The following ERGIC1 variants were observed in gnomAD, a reference collection of about 807,000 sequenced individuals.
The protein encoded by ERGIC1 is endoplasmic reticulum-golgi intermediate compartment 1.
A neutral mutation model predicts 38.3 loss-of-function variants in ERGIC1; 19 were observed. The ratio of observed to expected loss-of-function variants is 0.50; its 90% CI spans 0.35 to 0.73. The LOEUF (loss-of-function observed/expected upper bound fraction) is 0.73. Among genes scored for constraint, ERGIC1 ranks in the 30% least tolerant of loss-of-function variants. ERGIC1 has a pLI of 0.01. For synonymous variants in ERGIC1, 124 were observed against 157.6 expected (o/e 0.79, Z 1.60); for missense variants, 294 against 389.2 (o/e 0.76, Z 2.06).
intron 1 of ERGIC1, among the ~76,000 whole-genome samples, chr5:172,877,523 G>A (rs565883598): frequency 7.1e-6 from 1 of 141,006 alleles, no homozygotes; most frequent in Admixed American, 7.6e-5. Flanking sequence ...ACAATGGCAC[G>A]ATCTTGGCTC....
At chr5:172,933,185 G>C (rs1763813829) in intron 8 of ERGIC1, 1 of 152,368 alleles carries the variant, frequency 6.6e-6, no homozygotes, top group African/African-American at 2.4e-5. Context: ...AAATGCCCCT[G>C]CTAGACCCTG....
intron 1 of ERGIC1, among the ~76,000 whole-genome samples, chr5:172,849,629 C>T (rs1301965248): frequency 6.6e-6 from 1 of 152,210 alleles, no homozygotes; most frequent in Admixed American, 6.5e-5. Flanking sequence ...TGCAGGAATG[C>T]AGCTCTTCTG....
chr5:172,877,868 G>A (rs1762185633), intron 1 of ERGIC1, among the ~76,000 whole-genome samples: 1 of 152,166 alleles, frequency 6.6e-6, no homozygotes, highest in Non-Finnish European at 1.5e-5. Flanking sequence ...TGACCCACAG[G>A]AGATTCAAGG....
At chr5:172,942,579 C>T (rs146354219) in intron 9 of ERGIC1, among the ~76,000 whole-genome samples, 11 of 152,294 alleles carry the variant, frequency 7.2e-5, no homozygotes, top group Non-Finnish European at 1.5e-4. Context: ...ATTGGAGGGA[C>T]AGAACAGAAC....
intron 3 of ERGIC1, chr5:172,898,265 ACCACC>A (rs1762775865): frequency 5.9e-6 from 1 of 168,470 alleles, no homozygotes; most frequent in South Asian, 2.0e-4. Context: ...TACAAGCATT[ACCACC>A]TTTAGTTCTC....
At chr5:172,947,049 T>C (rs889550077) in intron 9 of ERGIC1, among the ~76,000 whole-genome samples, 1 of 151,838 alleles carries the variant, frequency 6.6e-6, no homozygotes. Context: ...CTGGGCATGG[T>C]GGTGGGCACC....
rs79682449 is a variant in ERGIC1 at position 172,887,477 on chromosome 5, T to C, written c.21-1222T>C. On this transcript the variant is annotated intron_variant, in intron 1 of 9. Coordinates refer to ENST00000393784, the MANE Select transcript of ERGIC1 (RefSeq NM_001031711.3). ...GTGGCCTCACAGGGTCTAGTACTAA[T>C]GGTCCCATTTTTACAAAGGAGGAAA... Among the ~76,000 whole-genome samples the C allele has an allele frequency of 8.7e-3, 1,331 of 152,324 alleles. 41 individuals are homozygous for C. In the East Asian group the frequency reaches 0.11, roughly 12 times the overall value.
At chr5:172,942,113 A>G (rs1333094388) in intron 9 of ERGIC1, among the ~76,000 whole-genome samples, 4 of 152,182 alleles carry the variant, frequency 2.6e-5, no homozygotes, top group Non-Finnish European at 5.9e-5. Context: ...AGGCAGGAGA[A>G]TCGCTTGAAC....
rs551262616 is a variant in ERGIC1 at position 172,921,937 on chromosome 5, C to T, written c.376-2068C>T. Among the ~76,000 whole-genome samples, 4 of 152,378 alleles carry T rather than the reference C, an allele frequency of 2.6e-5. No individual in the cohort carries two copies. In the South Asian group the frequency reaches 8.3e-4, roughly 32 times the overall value. Reference sequence around the variant, plus strand: ...AAGCCCTCCCTGAATACAGCCTGCACCCTCAATTGAGCCGGGGGCCTTCCC... The same window carrying T: ...AAGCCCTCCCTGAATACAGCCTGCATCCTCAATTGAGCCGGGGGCCTTCCC... On this transcript the variant is annotated intron_variant, in intron 5 of 9. Coordinates refer to ENST00000393784, the MANE Select transcript of ERGIC1 (RefSeq NM_001031711.3).
intron 1 of ERGIC1, chr5:172,867,040 T>A (rs1761884469): frequency 5.0e-6 from 2 of 399,378 alleles, no homozygotes; most frequent in South Asian, 3.6e-5. Context: ...ATGGAGATGA[T>A]GCAGATGGAG....
intron 1 of ERGIC1, among the ~76,000 whole-genome samples, chr5:172,843,008 G>A (rs987798819): frequency 1.3e-5 from 2 of 152,150 alleles, no homozygotes; most frequent in African/African-American, 2.4e-5. Context: ...GCTGGGCATG[G>A]TGGTATGCGC....
chr5:172,950,028 A>G (rs12055293), intron 9 of ERGIC1, among the ~76,000 whole-genome samples: 19,145 of 152,210 alleles, frequency 0.13, 1,638 homozygotes, highest in Non-Finnish European at 0.16. Context: ...AGCTGAGATC[A>G]CGCCACTGCA....
intron 4 of ERGIC1, among the ~76,000 whole-genome samples, chr5:172,912,118 A>G (rs555884835): frequency 2.0e-5 from 3 of 147,242 alleles, no homozygotes; most frequent in Non-Finnish European, 4.5e-5. Flanking sequence ...AGCTGTTCTC[A>G]TATTACTCAT....
rs145304272 is a variant in ERGIC1, at chr5:172,914,268, A to G, written c.251-446A>G. Among the ~76,000 whole-genome samples the G allele has an allele frequency of 3.7e-4, 56 of 149,926 alleles. 1 individual carries two copies. In the East Asian group the frequency reaches 1.0e-2, roughly 27 times the overall value. On this transcript the variant is annotated intron_variant, in intron 4 of 9. Transcript: ENST00000393784. ...AAAAAAAAAAAAAAATACAAAGACT[A>G]TCTGAGATACAAGAGCTAACATTTA...
intron 1 of ERGIC1, among the ~76,000 whole-genome samples, chr5:172,874,545 G>T (rs940683320): frequency 6.6e-6 from 1 of 152,184 alleles, no homozygotes; most frequent in African/African-American, 2.4e-5. Flanking sequence ...TGGGGTTCCA[G>T]CTCTCTGGTG....
chr5:172,918,779 G>C (rs995490661), intron 5 of ERGIC1, among the ~76,000 whole-genome samples: 2 of 152,196 alleles, frequency 1.3e-5, no homozygotes, highest in African/African-American at 2.4e-5. Flanking sequence ...GCAGGCAGGT[G>C]GGGGGTTGGT....
chr5:172,850,543 T>G (rs1483676266), intron 1 of ERGIC1, among the ~76,000 whole-genome samples: 2 of 151,304 alleles, frequency 1.3e-5, no homozygotes, highest in Non-Finnish European at 2.9e-5. Flanking sequence ...GGCTTTGGAG[T>G]CTGGTGGACC....
At position 172,909,707 on chromosome 5, in the gene ERGIC1, G is replaced by C. The variant is rs140357561; in HGVS notation, c.196G>C (p.Gly66Arg). The C allele has an allele frequency of 6.2e-7, 1 of 1,614,216 alleles. No individual in the cohort carries two copies. The highest frequency in any genetic ancestry group is 2.2e-5 in the East Asian group (1 of 44,872). ...LYVDDPDKDS[G>R]GKIDVSLNIS... ...TGTCGATGACCCAGACAAGGACAGCGGTGGCAAGATCGACGTCAGTCTGAA... is the reference window on the plus strand; with the variant it reads ...TGTCGATGACCCAGACAAGGACAGCCGTGGCAAGATCGACGTCAGTCTGAA... The change falls in exon 4 of 10, where the codon GGT (glycine) becomes CGT (arginine). Residue 66 changes from glycine (G) to arginine (R), a missense_variant. Physicochemically the swap from Gly to Arg is moderately radical, Grantham distance 125 (BLOSUM62 -2). This residue lies in a region of ERGIC1 where 163 missense variants were observed against 225.8 expected (regional missense o/e 0.72). Transcript: ENST00000393784.
intron 3 of ERGIC1, chr5:172,897,820 C>T: frequency 2.4e-6 from 1 of 414,080 alleles, no homozygotes; most frequent in Middle Eastern, 6.3e-4. Flanking sequence ...GGACTAACCC[C>T]CTTCCCATTT....
Sources: gnomAD v4.1 joint callset for allele counts (sites outside exome capture counted in the v4.1 genomes callset) on GRCh38, gnomAD v4.1.1 for gene constraint, gnomAD v4.1.1 regional missense constraint, MANE v1.5 for transcripts, NCBI Gene and HGNC (gene_info 2026-07-23, HGNC 2026-07-21) for gene names.